The following ETV4 variants were observed in gnomAD, a reference collection of about 807,000 sequenced individuals.
The protein encoded by ETV4 is ETS translocation variant 4.
A neutral mutation model predicts 65.9 loss-of-function variants in ETV4; 42 were observed. That is an observed-to-expected ratio of 0.64 (90% CI 0.50 to 0.82). The LOEUF (loss-of-function observed/expected upper bound fraction) is 0.82. Among genes scored for constraint, ETV4 ranks in the 40% least tolerant of loss-of-function variants. The pLI, the probability that ETV4 is intolerant of heterozygous loss-of-function variation, is 0.00. For missense variants in ETV4, 583 were observed against 630.3 expected, an observed-to-expected ratio of 0.92 and a Z score of 0.80; for synonymous variants, 238 against 260.0, an observed-to-expected ratio of 0.92 and a Z score of 0.81.
Position 43,545,629 on chromosome 17 carries a change from C to T in ETV4, c.-12G>A. ...ATCCTCCGCTCCATCCGGCCGCTCC[C>T]TCCGGCCGCACGGCCGGGGCCCCAA... On this transcript the variant is annotated 5_prime_UTR_variant, in exon 2 of 13. Transcript: ENST00000319349. 1 of 1,550,348 alleles carries T rather than the reference C, an allele frequency of 6.5e-7. No individual in the cohort carries two copies. Among genetic ancestry groups the T allele is most frequent in the Non-Finnish European group, 8.7e-7 (1 of 1,146,776 alleles).
At position 43,529,896 on chromosome 17, in the gene ETV4, C is replaced by A. The variant is rs1032429002; in HGVS notation, c.943G>T (p.Glu315Ter). ...PFPDDVCVVP[E>*]KFEGDIKQEG... ...TCACTTCTCTGACCTTCAAATTTCT[C>A]AGGGACAACGCAGACATCATCTGGG... The change falls in exon 10 of 13, where the codon GAG becomes TAG. Residue 315 changes from glutamate to a stop codon, truncating the protein, a stop_gained. Coordinates refer to ENST00000319349, the MANE Select transcript of ETV4 (RefSeq NM_001079675.5). LOFTEE classifies it high-confidence loss of function. The A allele has an allele frequency of 6.2e-7, 1 of 1,614,066 alleles. No homozygotes were observed. The highest frequency in any genetic ancestry group is 1.3e-5 in the African/African-American group (1 of 74,938).
At chr17:43,538,218 A>C (rs1971347398) in intron 4 of ETV4, among the ~76,000 whole-genome samples, 1 of 151,864 alleles carries the variant, frequency 6.6e-6, no homozygotes, top group Non-Finnish European at 1.5e-5. Context: ...GAGACAGGAG[A>C]ATAACTTGAA....
At chr17:43,530,322 C>A in intron 8 of ETV4, 141 bp from the exon 9 acceptor site, 1 of 1,482,242 alleles carries the variant, frequency 6.7e-7, no homozygotes, top group South Asian at 1.4e-5. Flanking sequence ...GGTTGCCTGC[C>A]AACCACAAAA....
At chr17:43,533,132 C>G (rs1290789796) in intron 7 of ETV4, 55 bp downstream of exon 7, 2 of 1,594,176 alleles carry the variant, frequency 1.3e-6, no homozygotes, top group Non-Finnish European at 1.7e-6. Flanking sequence ...GGAGAACACT[C>G]AGGAATTGAA....
chr17:43,544,834 G>A, intron 4 of ETV4, 141 bp downstream of exon 4: 1 of 728,560 alleles, frequency 1.4e-6, no homozygotes, highest in Non-Finnish European at 2.4e-6. Flanking sequence ...AGTGGCAAGG[G>A]ACCTGGGGAG....
At chr17:43,545,525 C>T (rs1232329935) in intron 2 of ETV4, 33 bp downstream of exon 2, 1 of 595,910 alleles carries the variant, frequency 1.7e-6, no homozygotes, top group Non-Finnish European at 2.3e-6. Context: ...GGGTGCGGGG[C>T]GGGGCGGGCG....
chr17:43,535,653 G>C (rs917174821), intron 5 of ETV4, among the ~76,000 whole-genome samples: 2 of 152,124 alleles, frequency 1.3e-5, no homozygotes, highest in African/African-American at 4.8e-5. Context: ...TGTAAGGAGC[G>C]GTCCTGAGCA....
intron 6 of ETV4, 113 bp from the exon 7 acceptor site, chr17:43,533,461 A>AG: frequency 9.6e-7 from 1 of 1,046,938 alleles, no homozygotes; most frequent in Non-Finnish European, 1.4e-6. Flanking sequence ...GGAAGGATAG[A>AG]GGGGGCTGAG....
rs564874586 is a variant in ETV4 at position 43,536,060 on chromosome 17, G to A, written c.256+366C>T. ...CGGGAGGCGGAAGTTGCAGTGAGCC[G>A]AGATTGTGCCACTGCACTCCAGCCT... is the stretch of plus-strand genomic sequence containing the variant. On this transcript the variant is annotated intron_variant, in intron 5 of 12. Coordinates refer to ENST00000319349, the MANE Select transcript of ETV4 (RefSeq NM_001079675.5). Among the ~76,000 whole-genome samples the A allele has an allele frequency of 2.3e-3, 343 of 152,314 alleles. 1 individual carries two copies. The highest frequency in any genetic ancestry group is 7.7e-3 in the African/African-American group (320 of 41,576).
intron 8 of ETV4, among the ~76,000 whole-genome samples, chr17:43,530,661 T>C (rs890150364): frequency 2.0e-5 from 3 of 152,012 alleles, no homozygotes; most frequent in Admixed American, 6.5e-5. Context: ...TGCGCCTGCA[T>C]GCACCTGGGG....
chr17:43,530,486 G>A (rs1598194779), intron 8 of ETV4: 3 of 1,271,136 alleles, frequency 2.4e-6, no homozygotes, highest in South Asian at 1.7e-5. Flanking sequence ...TGCGAGTTCA[G>A]GGGGAGGAGG....
chr17:43,536,876 G>A (rs981090559), intron 4 of ETV4, among the ~76,000 whole-genome samples: 1 of 152,234 alleles, frequency 6.6e-6, no homozygotes, highest in African/African-American at 2.4e-5. Context: ...AGACCCAGGA[G>A]GGAAGACTGT....
At chr17:43,538,232 G>A (rs542154743) in intron 4 of ETV4, among the ~76,000 whole-genome samples, 3 of 152,082 alleles carry the variant, frequency 2.0e-5, no homozygotes, top group Non-Finnish European at 4.4e-5. Context: ...ACTTGAACCC[G>A]GGAGGTGGAG....
At position 43,536,446 on chromosome 17, in the gene ETV4, G is replaced by A; in HGVS notation, c.236C>T (p.Pro79Leu). Residue 79 changes from proline (P) to leucine (L), a missense_variant, in exon 5 of 13, where the codon CCT becomes CTT. By Grantham distance (98) the Pro-to-Leu change is moderately conservative. Transcript: ENST00000319349. Reference sequence around the variant, plus strand: ...CTCACGGTTTTCTGAATGGAAATCAGGAACAAACTGCTCATCACTGTCTGG... The same window carrying A: ...CTCACGGTTTTCTGAATGGAAATCAAGAACAAACTGCTCATCACTGTCTGG... Reference protein sequence around the residue: ...QVPDSDEQFVPDFHSENLAFH... With the variant: ...QVPDSDEQFVLDFHSENLAFH... 2 of 1,614,254 alleles carry A rather than the reference G, an allele frequency of 1.2e-6. No individual in the cohort carries two copies. The highest frequency in any genetic ancestry group is 8.5e-7 in the Non-Finnish European group (1 of 1,180,052).
At position 43,530,201 on chromosome 17, in the gene ETV4, G is replaced by A. The variant is rs2154587045; in HGVS notation, c.812-20C>T. The stretch of plus-strand genomic sequence containing the variant: ...TGACATCTGTGGGGGAAGAAGGGGT[G>A]ATGTGAGAAGTGGCTTGGGGTGGAG... On this transcript the variant is annotated intron_variant, in intron 8 of 12. Transcript: ENST00000319349. 1 of 1,553,010 alleles carries A rather than the reference G, an allele frequency of 6.4e-7. No individual in the cohort carries two copies.
intron 4 of ETV4, among the ~76,000 whole-genome samples, chr17:43,542,923 C>A (rs1000120669): frequency 1.3e-5 from 2 of 152,184 alleles, no homozygotes; most frequent in African/African-American, 4.8e-5. Flanking sequence ...AGAAGCTAGT[C>A]CCTCCCTGCC....
Position 43,529,474 on chromosome 17 carries a change from A to C in ETV4, c.1128+30T>G. 1.9e-6 allele frequency: 3 copies of C among 1,581,446 alleles called. 1 individual carries two copies. The highest frequency in any genetic ancestry group is 2.3e-5 in the South Asian group (2 of 86,716). The stretch of plus-strand genomic sequence containing the variant: ...CACCTCCAGGCTGTAAACTTTGGAA[A>C]GGAGGGCTGGGAACATCCGAGAGGC... On this transcript the variant is annotated intron_variant, in intron 11 of 12. Coordinates refer to ENST00000319349, the MANE Select transcript of ETV4 (RefSeq NM_001079675.5).
chr17:43,546,024 A>G (rs1346477935), intron 1 of ETV4, 161 bp downstream of exon 1: 3 of 238,158 alleles, frequency 1.3e-5, no homozygotes, highest in Non-Finnish European at 1.6e-5. Flanking sequence ...ACACCATCGC[A>G]TGCCCACAAC....
In ETV4 at chr17:43,533,353, A is replaced by C. The variant is rs764874980; in HGVS notation, c.384-5T>G. 4 of 1,611,394 alleles carry C rather than the reference A, an allele frequency of 2.5e-6. No individual in the cohort carries two copies. On this transcript the variant is annotated splice_polypyrimidine_tract_variant and splice_region_variant and intron_variant, in intron 6 of 12. Transcript: ENST00000319349. Reference sequence around the variant, plus strand: ...TGTCTGGGGGGGTCATAGGCACTGGAGTTGAGAAGGAGACAGGGGTGAGGG... The same window carrying C: ...TGTCTGGGGGGGTCATAGGCACTGGCGTTGAGAAGGAGACAGGGGTGAGGG...
Sources: gnomAD v4.1 joint callset for allele counts (sites outside exome capture counted in the v4.1 genomes callset) on GRCh38, gnomAD v4.1.1 for gene constraint, MANE v1.5 for transcripts, NCBI Gene and HGNC (gene_info 2026-07-23, HGNC 2026-07-21) for gene names.